Variants in RHOJ observed in about 807,000 individuals in gnomAD.
RHOJ encodes the protein ras homolog family member J.
RHOJ carries 11 observed loss-of-function variants against 23.4 expected under a neutral mutation model. The observed-to-expected ratio is 0.47, with a 90% confidence interval of 0.30 to 0.78. RHOJ has a LOEUF of 0.78. Among genes scored for constraint, RHOJ ranks in the 30% least tolerant of loss-of-function variants. RHOJ has a pLI of 0.08. For synonymous variants in RHOJ, 102 were observed against 102.7 expected (o/e 0.99, Z 0.04); for missense variants, 254 against 273.4 (o/e 0.93, Z 0.50).
In RHOJ at chr14:63,250,877, T is replaced by C. The variant is rs937884717; in HGVS notation, c.179-18233T>C. ...GGAGAAACCCCATCTCTACCAAAAA[T>C]ACAAAAAATTAGCTGGGCGTGATGG... is the stretch of plus-strand genomic sequence containing the variant. On this transcript the variant is annotated intron_variant, in intron 1 of 4. Transcript: ENST00000316754. Among the ~76,000 whole-genome samples, 5 of 151,978 alleles carry C rather than the reference T, an allele frequency of 3.3e-5. No homozygotes were observed. The East Asian group carries it at 9.7e-4, about 30-fold the overall frequency.
chr14:63,226,003 A>T (rs942599421), intron 1 of RHOJ, among the ~76,000 whole-genome samples: 1 of 152,162 alleles, frequency 6.6e-6, no homozygotes, highest in African/African-American at 2.4e-5. Flanking sequence ...CATGTAAAAA[A>T]ACTGCCCAAC....
At chr14:63,227,497 G>C (rs1474792559) in intron 1 of RHOJ, among the ~76,000 whole-genome samples, 1 of 152,058 alleles carries the variant, frequency 6.6e-6, no homozygotes, top group African/African-American at 2.4e-5. Flanking sequence ...TTAATAAAAA[G>C]TCTAGTTCAA....
intron 2 of RHOJ, among the ~76,000 whole-genome samples, chr14:63,279,060 A>T (rs1881816813): frequency 6.6e-6 from 1 of 152,222 alleles, no homozygotes; most frequent in East Asian, 1.9e-4. Flanking sequence ...GGGAGAGGAA[A>T]TACTATTAGA....
At chr14:63,271,827 A>G (rs528849757) in intron 2 of RHOJ, among the ~76,000 whole-genome samples, 1 of 152,110 alleles carries the variant, frequency 6.6e-6, no homozygotes, top group East Asian at 1.9e-4. Context: ...CAAACTCCCA[A>G]CCTCAGGTGA....
chr14:63,268,545 T>TA (rs1172642011), intron 1 of RHOJ, among the ~76,000 whole-genome samples: 1 of 152,224 alleles, frequency 6.6e-6, no homozygotes, highest in Non-Finnish European at 1.5e-5. Flanking sequence ...TATCTAATTT[T>TA]AAAAAACTTT....
At chr14:63,281,336 A>G (rs1347660857) in intron 3 of RHOJ, among the ~76,000 whole-genome samples, 1 of 152,188 alleles carries the variant, frequency 6.6e-6, no homozygotes, top group Non-Finnish European at 1.5e-5. Flanking sequence ...TATGGAGCAG[A>G]AAGTTTTGAT....
intron 1 of RHOJ, among the ~76,000 whole-genome samples, chr14:63,240,846 AT>A (rs1894870269): frequency 6.6e-6 from 1 of 152,220 alleles, no homozygotes; most frequent in Non-Finnish European, 1.5e-5. Context: ...TAACTAAGAC[AT>A]TTATAATAGG....
intron 1 of RHOJ, among the ~76,000 whole-genome samples, chr14:63,236,537 A>G (rs1045490456): frequency 2.0e-5 from 3 of 152,154 alleles, no homozygotes; most frequent in African/African-American, 7.2e-5. Context: ...CATGAGACTC[A>G]TTCAACACCA....
chr14:63,260,130 T>G (rs963371276), intron 1 of RHOJ, among the ~76,000 whole-genome samples: 2 of 152,248 alleles, frequency 1.3e-5, no homozygotes, highest in African/African-American at 4.8e-5. Flanking sequence ...GAACCTAATT[T>G]ACTATGTTGT....
rs540354896 is a variant in RHOJ, at chr14:63,222,385, C to T, written c.178+17338C>T. On this transcript the variant is annotated intron_variant, in intron 1 of 4. Coordinates refer to ENST00000316754, the MANE Select transcript of RHOJ (RefSeq NM_020663.5). ...AAATGGTATTTCTAGTTCTAGATCC[C>T]TGAGGAATCGCCACACTGTCTTCCA... Among the ~76,000 whole-genome samples the T allele has an allele frequency of 6.6e-5, 10 of 152,242 alleles. No individual in the cohort carries two copies. In the South Asian group the frequency reaches 1.0e-3, roughly 16 times the overall value.
intron 4 of RHOJ, among the ~76,000 whole-genome samples, chr14:63,290,079 C>T (rs1882199060): frequency 1.3e-5 from 2 of 151,954 alleles, no homozygotes; most frequent in Admixed American, 1.3e-4. Flanking sequence ...CCCGTCTCTA[C>T]TAAAAATACA....
At chr14:63,283,909 G>A (rs1043521148) in intron 4 of RHOJ, among the ~76,000 whole-genome samples, 7 of 152,268 alleles carry the variant, frequency 4.6e-5, no homozygotes, top group African/African-American at 1.7e-4. Context: ...CCATTACCCC[G>A]AGATGTGAGC....
At position 63,277,777 on chromosome 14, in the gene RHOJ, G is replaced by C. The variant is rs1176220176; in HGVS notation, c.238-3194G>C. Among the ~76,000 whole-genome samples, 7 of 152,144 alleles carry C rather than the reference G, an allele frequency of 4.6e-5. 1 individual carries two copies. The highest frequency in any genetic ancestry group is 1.0e-4 in the Non-Finnish European group (7 of 68,038). ...GTGTGGTGAACAGCTGTAGATTATA[G>C]CCTGGGAAGGAGACTTCTTGGCTCA... On this transcript the variant is annotated intron_variant, in intron 2 of 4. Coordinates refer to ENST00000316754, the MANE Select transcript of RHOJ (RefSeq NM_020663.5).
intron 4 of RHOJ, chr14:63,288,375 T>C (rs1460855778): frequency 1.0e-6 from 1 of 981,306 alleles, no homozygotes; most frequent in Non-Finnish European, 1.2e-6. Context: ...ATCCTAGGCT[T>C]GGGATCCTTA....
chr14:63,207,513 C>A (rs1349598685), intron 1 of RHOJ, among the ~76,000 whole-genome samples: 1 of 152,198 alleles, frequency 6.6e-6, no homozygotes, highest in Non-Finnish European at 1.5e-5. Flanking sequence ...TATCTAATTC[C>A]TGGGTCCTAC....
chr14:63,261,250 T>C (rs367724447), intron 1 of RHOJ, among the ~76,000 whole-genome samples: 3 of 152,302 alleles, frequency 2.0e-5, no homozygotes, highest in African/African-American at 7.2e-5. Flanking sequence ...TTAATCCTTA[T>C]TGATTAGAAA....
chr14:63,236,538 T>C (rs933230236), intron 1 of RHOJ, among the ~76,000 whole-genome samples: 4 of 152,122 alleles, frequency 2.6e-5, no homozygotes, highest in Non-Finnish European at 4.4e-5. Flanking sequence ...ATGAGACTCA[T>C]TCAACACCAC....
At chr14:63,262,852 ATATCAGACAGATCTAAATACC>A (rs1216682881) in intron 1 of RHOJ, among the ~76,000 whole-genome samples, 1 of 152,246 alleles carries the variant, frequency 6.6e-6, no homozygotes, top group Admixed American at 6.5e-5. Flanking sequence ...CCAGTGGGGA[ATATCAGACAGATCTAAATACC>A]TATTATAGGG....
chr14:63,261,853 C>T (rs1895278785), intron 1 of RHOJ, among the ~76,000 whole-genome samples: 1 of 152,164 alleles, frequency 6.6e-6, no homozygotes, highest in African/African-American at 2.4e-5. Flanking sequence ...TTGACGTGCT[C>T]ATCCTATATT....
Sources: gnomAD v4.1 joint callset for allele counts (sites outside exome capture counted in the v4.1 genomes callset) on GRCh38, gnomAD v4.1.1 for gene constraint, MANE v1.5 for transcripts, NCBI Gene and HGNC (gene_info 2026-07-23, HGNC 2026-07-21) for gene names.